Variants in PHKA2 observed in about 807,000 individuals in gnomAD.
PHKA2 encodes the protein phosphorylase kinase regulatory subunit alpha 2, also known as phosphorylase b kinase regulatory subunit alpha, liver isoform.
PHKA2 carries 31 observed loss-of-function variants against 102.0 expected under a neutral mutation model. That is an observed-to-expected ratio of 0.30 (90% CI 0.23 to 0.41). PHKA2 has a LOEUF of 0.41. Among genes scored for constraint, PHKA2 ranks in the 10% least tolerant of loss-of-function variants. The pLI is 1.00. For missense variants in PHKA2, 858 were observed against 1,023.1 expected, an observed-to-expected ratio of 0.84 and a Z score of 2.20; for synonymous variants, 455 against 416.2, an observed-to-expected ratio of 1.09 and a Z score of -1.13.
intron 19 of PHKA2, among the ~76,000 whole-genome samples, chrX:18,917,569 A>G (rs113627029): frequency 0.062 from 6,932 of 111,651 alleles, 514 homozygotes; most frequent in African/African-American, 0.21. Context: ...AAAAAAATGT[A>G]TTTTTAATCT....
At position 18,933,470 on chromosome X, in the gene PHKA2, G is replaced by A. The variant is rs1185234137; in HGVS notation, c.1138-1722C>T. Among the ~76,000 whole-genome samples, 5 of 112,858 alleles carry A rather than the reference G, an allele frequency of 4.4e-5. No individual in the cohort carries two copies. The Admixed American group carries it at 4.6e-4, about 10-fold the overall frequency. ...GAGTGGCTGCTCAATCCATGTTTGC[G>A]GGGACACTTTCATTGGTCTCCAGCT... On this transcript the variant is annotated intron_variant, in intron 11 of 32. Transcript: ENST00000379942.
intron 1 of PHKA2, among the ~76,000 whole-genome samples, chrX:18,964,076 T>C (rs1208078053): frequency 9.0e-6 from 1 of 111,524 alleles, no homozygotes; most frequent in Non-Finnish European, 1.9e-5. Flanking sequence ...TAAATCCCTT[T>C]GATTGCCATC....
intron 13 of PHKA2, among the ~76,000 whole-genome samples, chrX:18,928,917 C>G (rs2048263102): frequency 1.8e-5 from 2 of 112,762 alleles, no homozygotes; most frequent in African/African-American, 6.4e-5. Flanking sequence ...TTTCACCAGG[C>G]TTAGGCTCTA....
At chrX:18,947,801 G>A (rs1202285781) in intron 5 of PHKA2, among the ~76,000 whole-genome samples, 3 of 112,298 alleles carry the variant, frequency 2.7e-5, no homozygotes, top group African/African-American at 9.7e-5. Context: ...GTATATATAT[G>A]ATGGAATACT....
At chrX:18,897,366 C>A in intron 29 of PHKA2, 33 bp from the exon 30 acceptor site, 1 of 1,185,825 alleles carries the variant, frequency 8.4e-7, no homozygotes, top group Non-Finnish European at 1.1e-6. Context: ...CCTCAGAAGC[C>A]ACGCAGCAGG....
intron 1 of PHKA2, among the ~76,000 whole-genome samples, chrX:18,966,532 CT>C (rs919722989): frequency 2.5e-4 from 28 of 112,081 alleles, no homozygotes; most frequent in African/African-American, 7.5e-4. Context: ...GATTTGAGCA[CT>C]TTTTTTCTAT....
chrX:18,896,995 C>A (rs973379876), intron 30 of PHKA2, among the ~76,000 whole-genome samples, 168 bp downstream of exon 30: 15 of 111,849 alleles, frequency 1.3e-4, no homozygotes, highest in Non-Finnish European at 2.4e-4. Context: ...GACATCCTAC[C>A]ACGCACAGGC....
chrX:18,963,638 T>C (rs763955520), intron 1 of PHKA2, among the ~76,000 whole-genome samples: 163 of 112,007 alleles, frequency 1.5e-3, no homozygotes, highest in Middle Eastern at 4.6e-3. Flanking sequence ...TCCTGACAAA[T>C]ACAACCATGA....
rs1555988672 is a variant in PHKA2, at chrX:18,895,327, C to CAG, written c.3283-138_3283-137dup. ...TGAGGGCTGGGACACGCCAGACTGT[C>CAG]AGAGTTATTTTTAGAGAGCTTGTTC... On this transcript the variant is annotated intron_variant, in intron 30 of 32. Coordinates refer to ENST00000379942, the MANE Select transcript of PHKA2 (RefSeq NM_000292.3). 6 of 574,124 alleles carry CAG rather than the reference C, an allele frequency of 1.0e-5. No homozygotes were observed. In the East Asian group the frequency reaches 2.0e-4, roughly 19 times the overall value. The allele number at this position is 574,124 out of a possible 1,213,427, so 47.3% of individuals were successfully genotyped here.
intron 1 of PHKA2, among the ~76,000 whole-genome samples, chrX:18,963,664 T>G (rs970196953): frequency 8.9e-6 from 1 of 111,946 alleles, no homozygotes; most frequent in African/African-American, 3.3e-5. Context: ...TATATGGCCA[T>G]GATGAACTAG....
At chrX:18,955,601 G>A (rs1420567831) in intron 1 of PHKA2, among the ~76,000 whole-genome samples, 3 of 111,321 alleles carry the variant, frequency 2.7e-5, no homozygotes, top group African/African-American at 9.8e-5. Context: ...GACATTTCCT[G>A]AAAATTTGTA....
rs1204416957 is a variant in PHKA2 at position 18,893,645 on chromosome X, C to T, written c.3548G>A (p.Gly1183Asp). Reference sequence around the variant, plus strand: ...GTCTTTCTCCAGGGTGTCCATGGCACCAATTGACACCTGCAGTAGGAAAGG... The same window carrying T: ...GTCTTTCTCCAGGGTGTCCATGGCATCAATTGACACCTGCAGTAGGAAAGG... ...QLFLQDQVSI[G>D]AMDTLEKDQA... Residue 1183 changes from glycine to aspartate, a missense_variant, in exon 33 of 33, where the codon GGT becomes GAT. Gly to Asp is a moderately conservative substitution (Grantham distance 94). Around this residue, in one of 2 missense-constraint regions of PHKA2, gnomAD observed 671 missense variants for 745.2 expected, o/e 0.90. Transcript: ENST00000379942. The T allele has an allele frequency of 4.1e-6, 5 of 1,209,084 alleles. No homozygotes were observed. The highest frequency in any genetic ancestry group is 5.6e-6 in the Non-Finnish European group (5 of 892,903).
In PHKA2 at chrX:18,893,741, T is replaced by C. The variant is rs2047474864; in HGVS notation, c.3538-86A>G. 24 of 876,267 alleles carry C rather than the reference T, an allele frequency of 2.7e-5. 1 individual carries two copies. In the South Asian group the frequency reaches 3.2e-4, roughly 12 times the overall value. 72.2% of individuals were successfully genotyped at this position (876,267 alleles called of 1,213,427 possible). A position where few individuals can be genotyped will look rare whatever the true frequency, so the allele number is the denominator to read the frequency against. ...GCGTGGTGGTGGCAGCGGGTCAACATGGGCAGGGGTGAGGGTTGCTCTAGT... is the reference window on the plus strand; with the variant it reads ...GCGTGGTGGTGGCAGCGGGTCAACACGGGCAGGGGTGAGGGTTGCTCTAGT... On this transcript the variant is annotated intron_variant, in intron 32 of 32. Transcript: ENST00000379942.
chrX:18,953,942 C>T (rs777097528), intron 2 of PHKA2, among the ~76,000 whole-genome samples: 2 of 110,546 alleles, frequency 1.8e-5, no homozygotes, highest in Non-Finnish European at 3.8e-5. Context: ...GCTGAGATCG[C>T]GCCACTGCAC....
At chrX:18,952,663 C>T (rs1339629884) in intron 2 of PHKA2, 122 bp from the exon 3 acceptor site, 15 of 605,705 alleles carry the variant, frequency 2.5e-5, no homozygotes, top group East Asian at 1.0e-4. Flanking sequence ...AGGCCAGTCC[C>T]GAGCCTACGT....
At chrX:18,932,431 C>T (rs1423167822) in intron 11 of PHKA2, among the ~76,000 whole-genome samples, 1 of 111,008 alleles carries the variant, frequency 9.0e-6, no homozygotes, top group Non-Finnish European at 1.9e-5. Flanking sequence ...TGTCAGTGAC[C>T]GCTTTTGTCT....
chrX:18,937,190 T>C (rs1227793490), intron 10 of PHKA2, among the ~76,000 whole-genome samples: 2 of 107,860 alleles, frequency 1.9e-5, no homozygotes, highest in Admixed American at 1.0e-4. Flanking sequence ...TCAGAACCAG[T>C]TGAAAAAATG....
intron 1 of PHKA2, among the ~76,000 whole-genome samples, chrX:18,973,116 C>T (rs997359074): frequency 9.0e-6 from 1 of 111,704 alleles, no homozygotes; most frequent in Non-Finnish European, 1.9e-5. Context: ...AATTCTCCTG[C>T]CTCAGCCTCC....
intron 1 of PHKA2, among the ~76,000 whole-genome samples, chrX:18,969,608 C>T (rs748201107): frequency 4.0e-4 from 44 of 110,498 alleles, no homozygotes; most frequent in Middle Eastern, 9.3e-3. Flanking sequence ...TGTACTAAAG[C>T]ACCAGCTTTC....
Sources: allele counts gnomAD v4.1 joint callset (sites outside exome capture counted in the v4.1 genomes callset), GRCh38; gene constraint gnomAD v4.1.1; regional missense constraint gnomAD v4.1.1; transcripts MANE v1.5; gene names NCBI Gene and HGNC (gene_info 2026-07-23, HGNC 2026-07-21).